The following SYNE2 variants were observed in gnomAD, a reference collection of about 807,000 sequenced individuals.
SYNE2 encodes the protein spectrin repeat containing nuclear envelope protein 2.
SYNE2 carries 431 observed loss-of-function variants against 856.3 expected under a neutral mutation model. That is an observed-to-expected ratio of 0.50 (90% CI 0.47 to 0.55). The LOEUF (loss-of-function observed/expected upper bound fraction) is 0.55, where lower values mean the gene tolerates loss of function less well. SYNE2 is among the 20% of genes least tolerant of loss of function. SYNE2 has a pLI of 0.00. For synonymous variants in SYNE2, 2,923 were observed against 2,872.3 expected, an observed-to-expected ratio of 1.02 and a Z score of -0.56; for missense variants, 8,129 against 8,023.2, an observed-to-expected ratio of 1.01 and a Z score of -0.50.
chr14:64,024,831 C>G, intron 39 of SYNE2, 81 bp from the exon 40 acceptor site: 1 of 1,462,876 alleles, frequency 6.8e-7, no homozygotes, highest in South Asian at 1.2e-5. Flanking sequence ...CTGGTTGAGT[C>G]ACAAGGTTTG....
Position 64,137,856 on chromosome 14 carries a change from G to T in SYNE2, c.14716G>T (p.Val4906Leu). 1.2e-6 allele frequency: 2 copies of T among 1,614,192 alleles called. No homozygotes were observed. Among genetic ancestry groups the T allele is most frequent in the Non-Finnish European group, 1.7e-6 (2 of 1,180,028 alleles). ...AACTCTGAACGAAGGCAAACAGTTG[G>T]TGGCGTCTGTGAGCTGTCCTGAATT... Reference protein sequence around the residue: ...YQTLNEGKQLVASVSCPELEG... With the variant: ...YQTLNEGKQLLASVSCPELEG... Residue 4906 changes from valine to leucine, a missense_variant, in exon 79 of 116, where the codon GTG (valine) becomes TTG (leucine). Physicochemically the swap from Val to Leu is conservative, Grantham distance 32 (BLOSUM62 1). Coordinates refer to ENST00000555002, the MANE Select transcript of SYNE2 (RefSeq NM_182914.3).
intron 76 of SYNE2, among the ~76,000 whole-genome samples, chr14:64,130,839 C>G (rs1430800829): frequency 6.7e-6 from 1 of 149,864 alleles, no homozygotes; most frequent in Non-Finnish European, 1.5e-5. Flanking sequence ...AAGCTGAGAT[C>G]ACGCCCCTGC....
intron 2 of SYNE2, among the ~76,000 whole-genome samples, chr14:63,928,135 G>A (rs150771501): frequency 3.2e-4 from 49 of 152,232 alleles, no homozygotes; most frequent in African/African-American, 1.1e-3. Flanking sequence ...GAGCTATGAG[G>A]GGGCAAATTT....
intron 1 of SYNE2, among the ~76,000 whole-genome samples, chr14:63,788,010 G>A (rs1414205730): frequency 2.0e-5 from 3 of 152,152 alleles, no homozygotes; most frequent in East Asian, 1.9e-4. Context: ...CACTCTCAGC[G>A]CCCCCTTGGC....
Position 64,209,468 on chromosome 14 carries a change from G to T in SYNE2, c.18430G>T (p.Asp6144Tyr). 2 of 1,614,216 alleles carry T rather than the reference G, an allele frequency of 1.2e-6. No homozygotes were observed. The highest frequency in any genetic ancestry group is 2.2e-5 in the South Asian group (2 of 91,074). Residue 6144 changes from aspartate (D) to tyrosine (Y), a missense_variant, in exon 102 of 116, where the codon GAC becomes TAC. Transcript: ENST00000555002. ...GCGCCTGTGGCAGAAGTTTTTAGAC[G>T]ACTATTCTCGCTTTGAGGACTGGCT... ...TWRLWQKFLD[D>Y]YSRFEDWLKS...
chr14:64,216,292 C>T lies in SYNE2; in HGVS notation c.19447C>T (p.Pro6483Ser). The change falls in exon 108 of 116, where the codon CCT (proline) becomes TCT (serine). Residue 6483 changes from proline (P) to serine (S), a missense_variant. By Grantham distance (74) the Pro-to-Ser change is moderately conservative. Coordinates refer to ENST00000555002, the MANE Select transcript of SYNE2 (RefSeq NM_182914.3). ...DGHSWHVPDS[P>S]SCPEHHYKQM... ...CCACTCGTGGCATGTTCCCGACAGCCCTTCCTGTCCCGAGCATCACTACAA... is the reference window on the plus strand; with the variant it reads ...CCACTCGTGGCATGTTCCCGACAGCTCTTCCTGTCCCGAGCATCACTACAA... 1 of 1,614,190 alleles carries T rather than the reference C, an allele frequency of 6.2e-7. No individual in the cohort carries two copies. Among genetic ancestry groups the T allele is most frequent in the East Asian group, 2.2e-5 (1 of 44,892 alleles).
intron 96 of SYNE2, among the ~76,000 whole-genome samples, chr14:64,181,051 C>T (rs1038709800): frequency 1.3e-5 from 2 of 152,066 alleles, no homozygotes; most frequent in Non-Finnish European, 2.9e-5. Flanking sequence ...CCATCATCAT[C>T]TGTCAATAAT....
chr14:64,009,147 C>A (rs982626987), intron 31 of SYNE2, among the ~76,000 whole-genome samples: 2 of 152,088 alleles, frequency 1.3e-5, no homozygotes, highest in Admixed American at 6.6e-5. Context: ...CTAAGCAGTG[C>A]CCACATGTAG....
chr14:64,177,630 C>T (rs902806402), intron 96 of SYNE2, 147 bp downstream of exon 96: 11 of 1,083,770 alleles, frequency 1.0e-5, no homozygotes, highest in South Asian at 2.8e-5. Context: ...ATAACATGCT[C>T]GTCTCTTAAG....
intron 1 of SYNE2, among the ~76,000 whole-genome samples, chr14:63,892,902 C>T (rs2095168466): frequency 6.6e-6 from 1 of 151,902 alleles, no homozygotes; most frequent in South Asian, 2.1e-4. Context: ...TTTATTCATT[C>T]TCTTTTATTC....
Position 64,139,946 on chromosome 14 carries a change from A to G in SYNE2, c.14849A>G (p.Asn4950Ser). 6.2e-7 allele frequency: 1 copy of G among 1,614,030 alleles called. No homozygotes were observed. Among genetic ancestry groups the G allele is most frequent in the Non-Finnish European group, 8.5e-7 (1 of 1,179,986 alleles). The stretch of plus-strand genomic sequence containing the variant: ...TCTCACTTTGCTCCTGTTAGTTATA[A>G]CAGAGATTCGGATCAGTTAACCAAG... ...QALLKHLLSYNRDSDQLTKWL... is the reference protein window; with the variant it reads ...QALLKHLLSYSRDSDQLTKWL... The change falls in exon 80 of 116, where the codon AAC becomes AGC. Residue 4950 changes from asparagine (N) to serine (S), a missense_variant. Around this residue, in one of 3 missense-constraint regions of SYNE2, gnomAD observed 5,410 missense variants for 5,284.8 expected, o/e 1.02. Coordinates refer to ENST00000555002, the MANE Select transcript of SYNE2 (RefSeq NM_182914.3).
chr14:64,053,215 T>C lies in SYNE2; in HGVS notation c.9302T>C (p.Ile3101Thr). 3 of 1,613,100 alleles carry C rather than the reference T, an allele frequency of 1.9e-6. No individual in the cohort carries two copies. The highest frequency in any genetic ancestry group is 1.7e-6 in the Non-Finnish European group (2 of 1,179,684). The stretch of plus-strand genomic sequence containing the variant: ...AAAGCCAAGTGTTTATGTGATGAGA[T>C]AATAAAGAAATTAAATGAAAATAAG... ...IEKAKCLCDE[I>T]IKKLNENKTF... The change falls in exon 48 of 116, where the codon ATA (isoleucine) becomes ACA (threonine). Residue 3101 changes from isoleucine (I) to threonine (T), a missense_variant. By Grantham distance (89) the Ile-to-Thr change is moderately conservative. Around this residue, in one of 3 missense-constraint regions of SYNE2, gnomAD observed 5,410 missense variants for 5,284.8 expected, o/e 1.02. Transcript: ENST00000555002.
In SYNE2 at chr14:64,152,677, T is replaced by C. The variant is rs775369932; in HGVS notation, c.15753T>C (p.Ile5251=). ...TGTTAGAAGATACAGCATCCCGAAT[T>C]GATGAGTTATTTCAAAAGAGAAGCA... ...VPLLEDTASR[I]DELFQKRSSV... is the part of the protein sequence containing the mutation. Residue 5251 remains isoleucine (I), a synonymous_variant, in exon 85 of 116, where the codon ATT becomes ATC. Transcript: ENST00000555002. The C allele has an allele frequency of 1.9e-6, 3 of 1,614,034 alleles. No homozygotes were observed. In the East Asian group the frequency reaches 6.7e-5, roughly 36 times the overall value.
intron 79 of SYNE2, among the ~76,000 whole-genome samples, chr14:64,138,912 T>TTGTG (rs143789075): frequency 0.054 from 7,731 of 144,156 alleles, 448 homozygotes; most frequent in African/African-American, 0.15. Flanking sequence ...CAAATGCTGG[T>TTGTG]TGTGTGTGTG....
chr14:64,057,315 G>T (rs1349892954), intron 49 of SYNE2, among the ~76,000 whole-genome samples: 1 of 151,826 alleles, frequency 6.6e-6, no homozygotes, highest in Non-Finnish European at 1.5e-5. Flanking sequence ...TACTCTCTAT[G>T]TTCATGAATT....
intron 11 of SYNE2, among the ~76,000 whole-genome samples, chr14:63,974,805 T>TGTATATATAG (rs2096519774): frequency 1.4e-5 from 1 of 69,404 alleles, no homozygotes; most frequent in Non-Finnish European, 3.1e-5. Flanking sequence ...TGTATATATG[T>TGTATATATAG]GTATATATGT....
intron 15 of SYNE2, 127 bp downstream of exon 15, chr14:63,980,859 C>G (rs892166195): frequency 3.7e-6 from 4 of 1,077,710 alleles, no homozygotes; most frequent in Middle Eastern, 3.0e-4. Flanking sequence ...AAAATTCTTG[C>G]TTTCACTTTT....
At chr14:63,845,877 A>G (rs1043780211) in intron 1 of SYNE2, among the ~76,000 whole-genome samples, 1 of 151,080 alleles carries the variant, frequency 6.6e-6, no homozygotes, top group African/African-American at 2.4e-5. Flanking sequence ...AGAAGTTGGA[A>G]TTACAGGCAT....
chr14:63,901,727 C>A (rs1165045115), intron 1 of SYNE2, among the ~76,000 whole-genome samples: 1 of 152,132 alleles, frequency 6.6e-6, no homozygotes, highest in Non-Finnish European at 1.5e-5. Context: ...AGTTTGAGAC[C>A]AGCATGGGGA....
Sources: gnomAD v4.1 joint callset for allele counts (sites outside exome capture counted in the v4.1 genomes callset) on GRCh38, gnomAD v4.1.1 for gene constraint, gnomAD v4.1.1 regional missense constraint, MANE v1.5 for transcripts, NCBI Gene and HGNC (gene_info 2026-07-23, HGNC 2026-07-21) for gene names.